The following CARMIL2 variants were observed in gnomAD, a reference collection of about 807,000 sequenced individuals.
The protein encoded by CARMIL2 is capping protein, Arp2/3 and myosin-I linker protein 2.
A neutral mutation model predicts 173.3 loss-of-function variants in CARMIL2; 96 were observed. The observed-to-expected ratio is 0.55, with a 90% CI of 0.47 to 0.66. The LOEUF (loss-of-function observed/expected upper bound fraction) is 0.66, where lower values mean the gene tolerates loss of function less well. CARMIL2 is among the 30% of genes least tolerant of loss of function. The pLI is 0.00. For missense variants in CARMIL2, 1,771 were observed against 1,906.7 expected (o/e 0.93, Z 1.33); for synonymous variants, 830 against 817.1 (o/e 1.02, Z -0.27).
Position 67,647,458 on chromosome 16 carries a change from G to A in CARMIL2, c.777-50G>A, listed in dbSNP as rs755182113. 2.6e-6 allele frequency: 4 copies of A among 1,561,302 alleles called. No homozygotes were observed. In the South Asian group the frequency reaches 3.5e-5, roughly 14 times the overall value. The stretch of plus-strand genomic sequence containing the variant: ...GGGACTGGGGGCTAGTGGCCTGGGA[G>A]GGGTTGGCAAACCAGGGGCAGAATC... On this transcript the variant is annotated intron_variant, in intron 10 of 37. Coordinates refer to ENST00000334583, the MANE Select transcript of CARMIL2 (RefSeq NM_001013838.3).
At chr16:67,656,169 G>C (rs754751207) in intron 33 of CARMIL2, 59 bp from the exon 34 acceptor site, 373 of 1,611,050 alleles carry the variant, frequency 2.3e-4, no homozygotes, top group Non-Finnish European at 3.1e-4. Flanking sequence ...GGAGAGGCCA[G>C]GTTTTTCTTC....
intron 31 of CARMIL2, 38 bp downstream of exon 31, chr16:67,654,730 G>A (rs757883628): frequency 6.2e-7 from 1 of 1,606,936 alleles, no homozygotes; most frequent in Admixed American, 1.7e-5. Context: ...AGGCGCTTCT[G>A]GGACCCAGGG....
Position 67,646,259 on chromosome 16 carries a change from C to G in CARMIL2, c.323C>G (p.Ala108Gly). 1 of 1,613,732 alleles carries G rather than the reference C, an allele frequency of 6.2e-7. No individual in the cohort carries two copies. The highest frequency in any genetic ancestry group is 1.6e-4 in the Middle Eastern group (1 of 6,062). ...FPGVAALEQL[A>G]QHVAAAIKKV... ...GGTGTGGCCGCCCTGGAACAGCTGG[C>G]CCAGCACGTGGCTGCAGCCATCAAG... Residue 108 changes from alanine (A) to glycine (G), a missense_variant, in exon 5 of 38, where the codon GCC (alanine) becomes GGC (glycine). Ala to Gly is a moderately conservative substitution (Grantham distance 60). Around this residue, in one of 3 missense-constraint regions of CARMIL2, gnomAD observed 944 missense variants for 975.6 expected, o/e 0.97. Coordinates refer to ENST00000334583, the MANE Select transcript of CARMIL2 (RefSeq NM_001013838.3). This position sits in a 1 kb window ranked among gnomAD's most constrained non-coding sequence, Gnocchi z 4.6.
At chr16:67,654,081 G>GT (rs2052782614) in intron 29 of CARMIL2, 68 bp from the exon 30 acceptor site, 5 of 77,084 alleles carry the variant, frequency 6.5e-5, no homozygotes, top group South Asian at 8.5e-4. Context: ...GCTGCCGGCC[G>GT]GGGGGGGGGG....
chr16:67,651,356 TAGTC>T lies in CARMIL2; in HGVS notation c.2314-42_2314-39del, dbSNP rs756940035. ...CCTGCTACAAGGACCCTTCCCCTCTTAGTCAGGTGTCAGCTCGCAACTGCTTTTC... is the reference window on the plus strand; with the variant it reads ...CCTGCTACAAGGACCCTTCCCCTCTTAGGTGTCAGCTCGCAACTGCTTTTC... On this transcript the variant is annotated intron_variant, in intron 23 of 37. Coordinates refer to ENST00000334583, the MANE Select transcript of CARMIL2 (RefSeq NM_001013838.3). This position sits in a 1 kb window ranked among gnomAD's most constrained non-coding sequence, Gnocchi z 4.2. 29 of 1,606,694 alleles carry T rather than the reference TAGTC, an allele frequency of 1.8e-5. No individual in the cohort carries two copies. Among genetic ancestry groups the T allele is most frequent in the African/African-American group, 4.0e-5 (3 of 74,790 alleles).
chr16:67,647,948 A>G lies in CARMIL2; in HGVS notation c.1061A>G (p.Glu354Gly). Residue 354 changes from glutamate to glycine, a missense_variant, in exon 13 of 38, where the codon GAG becomes GGG. Glu to Gly is a moderately conservative substitution (Grantham distance 98, BLOSUM62 -2). Coordinates refer to ENST00000334583, the MANE Select transcript of CARMIL2 (RefSeq NM_001013838.3). ...SGNPGALGAS[E>G]DSGGLYSFLS... ...AATCCTGGGGCGCTGGGGGCCTCCG[A>G]GGACAGTGGGGTGAGTGGCTGTCTT... 6.2e-7 allele frequency: 1 copy of G among 1,608,346 alleles called. No homozygotes were observed. Among genetic ancestry groups the G allele is most frequent in the Non-Finnish European group, 8.5e-7 (1 of 1,177,082 alleles).
At chr16:67,647,817 A>G (rs1361480074) in intron 12 of CARMIL2, 29 bp from the exon 13 acceptor site, 2 of 1,581,252 alleles carry the variant, frequency 1.3e-6, no homozygotes, top group Middle Eastern at 2.0e-4. Context: ...GGTCTGTCCA[A>G]CTGCTGAGTG....
chr16:67,656,200 T>C (rs775996509), intron 33 of CARMIL2, 28 bp from the exon 34 acceptor site: 2 of 1,613,610 alleles, frequency 1.2e-6, no homozygotes, highest in South Asian at 2.2e-5. Context: ...CAAGGTCTGG[T>C]ACCTGAGTCC....
Position 67,646,690 on chromosome 16 carries a change from A to G in CARMIL2, c.467-24A>G. On this transcript the variant is annotated intron_variant, in intron 6 of 37. Transcript: ENST00000334583. The surrounding 1 kb of genome is among the most constrained non-coding windows in gnomAD (Gnocchi z 4.6). Reference sequence around the variant, plus strand: ...ATGTTTTGTCTCTCTCCTTTTCCACATCGCACCCCTATCCCCTCCCCAGGT... The same window carrying G: ...ATGTTTTGTCTCTCTCCTTTTCCACGTCGCACCCCTATCCCCTCCCCAGGT... The G allele has an allele frequency of 6.2e-7, 1 of 1,612,772 alleles. No homozygotes were observed.
rs2052771908 is a variant in CARMIL2 at position 67,653,622 on chromosome 16, C to T, written c.3120+368C>T. Among the ~76,000 whole-genome samples the T allele has an allele frequency of 6.6e-6, 1 of 152,144 alleles. No individual in the cohort carries two copies. The highest frequency in any genetic ancestry group is 2.4e-5 in the African/African-American group (1 of 41,450). On this transcript the variant is annotated intron_variant, in intron 29 of 37. Coordinates refer to ENST00000334583, the MANE Select transcript of CARMIL2 (RefSeq NM_001013838.3). The surrounding 1 kb of genome is among the most constrained non-coding windows in gnomAD (Gnocchi z 7.4). ...CGGGGCCAAGCCTGCGTCTGCTGCGCGTCCGGCGGCGGCGCGTGTGGGGAG... is the reference window on the plus strand; with the variant it reads ...CGGGGCCAAGCCTGCGTCTGCTGCGTGTCCGGCGGCGGCGCGTGTGGGGAG...
In CARMIL2 at chr16:67,652,269, C is replaced by A. The variant is rs1319951751; in HGVS notation, c.2747C>A (p.Pro916His). Residue 916 changes from proline (P) to histidine (H), a missense_variant, in exon 27 of 38, where the codon CCC (proline) becomes CAC (histidine). By Grantham distance (77) the Pro-to-His change is moderately conservative (BLOSUM62 -2). Transcript: ENST00000334583. The surrounding 1 kb of genome is among the most constrained non-coding windows in gnomAD (Gnocchi z 4.7). ...CTACCAGCACCGGATGGAGGTGAGC[C>A]CAGCCTCCTTGAGCCTGGGGAATTG... ...PALPAPDGGEPSLLEPGELEG... is the reference protein window; with the variant it reads ...PALPAPDGGEHSLLEPGELEG... 2 of 1,613,374 alleles carry A rather than the reference C, an allele frequency of 1.2e-6. No homozygotes were observed. Among genetic ancestry groups the A allele is most frequent in the Non-Finnish European group, 1.7e-6 (2 of 1,179,856 alleles).
Position 67,657,268 on chromosome 16 carries a change from G to C in CARMIL2, c.4147G>C (p.Val1383Leu), listed in dbSNP as rs755266316. Residue 1383 changes from valine (V) to leucine (L), a missense_variant, in exon 37 of 38, where the codon GTC becomes CTC. By Grantham distance (32) the Val-to-Leu change is conservative. Transcript: ENST00000334583. The surrounding 1 kb of genome is among the most constrained non-coding windows in gnomAD (Gnocchi z 4.5). ...GCCCCTGAGGCTGCAGCGCTCCCCC[G>C]TCCTCAAACGCAGGCCAAAACTCGA... ...ERPLRLQRSP[V>L]LKRRPKLEAP... is the part of the protein sequence containing the mutation. 6.2e-7 allele frequency: 1 copy of C among 1,613,684 alleles called. No individual in the cohort carries two copies. Among genetic ancestry groups the C allele is most frequent in the Admixed American group, 1.7e-5 (1 of 59,990 alleles).
chr16:67,651,389 T>G lies in CARMIL2; in HGVS notation c.2314-12T>G. The G allele has an allele frequency of 6.3e-7, 1 of 1,594,958 alleles. No individual in the cohort carries two copies. The highest frequency in any genetic ancestry group is 2.2e-5 in the East Asian group (1 of 44,574). ...TGTCAGCTCGCAACTGCTTTTCCTC[T>G]TTGGCCCTCAGATTCTCCCCATTCT... On this transcript the variant is annotated splice_polypyrimidine_tract_variant and intron_variant, in intron 23 of 37. Coordinates refer to ENST00000334583, the MANE Select transcript of CARMIL2 (RefSeq NM_001013838.3). The surrounding 1 kb of genome is among the most constrained non-coding windows in gnomAD (Gnocchi z 4.2).
In CARMIL2 at chr16:67,652,648, C is replaced by T. The variant is rs2052748822; in HGVS notation, c.2884+110C>T. 1.9e-6 allele frequency: 2 copies of T among 1,076,944 alleles called. No individual in the cohort carries two copies. The allele number at this position is 1,076,944 out of a possible 1,614,324, so 66.7% of individuals were successfully genotyped here. On this transcript the variant is annotated intron_variant, in intron 28 of 37. Coordinates refer to ENST00000334583, the MANE Select transcript of CARMIL2 (RefSeq NM_001013838.3). The surrounding 1 kb of genome is among the most constrained non-coding windows in gnomAD (Gnocchi z 4.7). Reference sequence around the variant, plus strand: ...CATTCAGCCTTGTCTGGGTACCCACCAGCCCTTGACTGGGCCAGGTCGGGC... The same window carrying T: ...CATTCAGCCTTGTCTGGGTACCCACTAGCCCTTGACTGGGCCAGGTCGGGC...
Position 67,657,109 on chromosome 16 carries a change from CG to C in CARMIL2, c.4118-125del. 1.1e-6 allele frequency: 1 copy of C among 887,432 alleles called. No individual in the cohort carries two copies. The highest frequency in any genetic ancestry group is 1.8e-6 in the Non-Finnish European group (1 of 562,336). The allele number at this position is 887,432 out of a possible 1,614,324, so 55.0% of individuals were successfully genotyped here. On this transcript the variant is annotated intron_variant, in intron 36 of 37. Coordinates refer to ENST00000334583, the MANE Select transcript of CARMIL2 (RefSeq NM_001013838.3). The surrounding 1 kb of genome is among the most constrained non-coding windows in gnomAD (Gnocchi z 4.5). ...TCTGCCAGGGGTGAGGACGCAGGGA[CG>C]GGGGATGCTCTGAAGGCAGCAGTGT... is the stretch of plus-strand genomic sequence containing the variant.
chr16:67,654,320 G>A lies in CARMIL2; in HGVS notation c.3222-12G>A, dbSNP rs778791655. 1.3e-6 allele frequency: 2 copies of A among 1,587,984 alleles called. No individual in the cohort carries two copies. The highest frequency in any genetic ancestry group is 2.3e-5 in the South Asian group (2 of 87,154). On this transcript the variant is annotated splice_polypyrimidine_tract_variant and intron_variant, in intron 30 of 37. Coordinates refer to ENST00000334583, the MANE Select transcript of CARMIL2 (RefSeq NM_001013838.3). Reference sequence around the variant, plus strand: ...GATGGGCTTTCTCGCTCACTGCTGGGTGTCCCCACAGCTGGGCCCCCGAGG... The same window carrying A: ...GATGGGCTTTCTCGCTCACTGCTGGATGTCCCCACAGCTGGGCCCCCGAGG...
At position 67,656,513 on chromosome 16, in the gene CARMIL2, A is replaced by G. The variant is rs1247693995; in HGVS notation, c.3904A>G (p.Ser1302Gly). The part of the protein sequence containing the change: ...LGQQLNAELR[S>G]RGWGQQDGPG... ...GCAGCAGTTGAATGCGGAGCTCAGG[A>G]GCCGTGGTTGGGGCCAACAGGATGG... Residue 1302 changes from serine (S) to glycine (G), a missense_variant, in exon 35 of 38, where the codon AGC (serine) becomes GGC (glycine). Around this residue, in one of 3 missense-constraint regions of CARMIL2, gnomAD observed 817 missense variants for 903.5 expected, o/e 0.90. Coordinates refer to ENST00000334583, the MANE Select transcript of CARMIL2 (RefSeq NM_001013838.3). 4 of 1,613,386 alleles carry G rather than the reference A, an allele frequency of 2.5e-6. No homozygotes were observed. The highest frequency in any genetic ancestry group is 3.3e-5 in the Admixed American group (2 of 59,970).
Position 67,648,327 on chromosome 16 carries a change from TGTCGGGG to T in CARMIL2, c.1334+14_1334+20del. On this transcript the variant is annotated intron_variant, in intron 14 of 37. Transcript: ENST00000334583. This position sits in a 1 kb window ranked among gnomAD's most constrained non-coding sequence, Gnocchi z 6.1. ...TCTTCTCCCGCACGTAAGGGGGACC[TGTCGGGG>T]CCGGGGGAGGCTGCTGGAAGCCGCC... 6.3e-7 allele frequency: 1 copy of T among 1,579,894 alleles called. No individual in the cohort carries two copies. Among genetic ancestry groups the T allele is most frequent in the Non-Finnish European group, 8.5e-7 (1 of 1,171,134 alleles).
In CARMIL2 at chr16:67,648,182, C is replaced by T. The variant is rs773003494; in HGVS notation, c.1202C>T (p.Ala401Val). The T allele has an allele frequency of 1.0e-5, 12 of 1,169,798 alleles. No individual in the cohort carries two copies. Among genetic ancestry groups the T allele is most frequent in the Non-Finnish European group, 1.1e-5 (9 of 834,956 alleles). The allele number at this position is 1,169,798 out of a possible 1,614,324, so 72.5% of individuals were successfully genotyped here. Residue 401 changes from alanine (A) to valine (V), a missense_variant, in exon 14 of 38, where the codon GCG becomes GTG. This residue lies in a region of CARMIL2 where 944 missense variants were observed against 975.6 expected (regional missense o/e 0.97). Coordinates refer to ENST00000334583, the MANE Select transcript of CARMIL2 (RefSeq NM_001013838.3). The surrounding 1 kb of genome is among the most constrained non-coding windows in gnomAD (Gnocchi z 6.1). ...GWMTGRADWR[A>V]GRGGLGPPAG... ...ATGACCGGCAGGGCGGACTGGAGGG[C>T]GGGACGGGGAGGGCTCGGTCCCCCC...
Sources: allele counts gnomAD v4.1 joint callset (sites outside exome capture counted in the v4.1 genomes callset), GRCh38; gene constraint gnomAD v4.1.1; regional missense constraint gnomAD v4.1.1; non-coding constraint Gnocchi (gnomAD v3.1); transcripts MANE v1.5; gene names NCBI Gene and HGNC (gene_info 2026-07-23, HGNC 2026-07-21).